Variants in RIOX2 observed in about 807,000 individuals in gnomAD.
RIOX2 encodes 60S ribosomal protein L27a histidine hydroxylase.
In RIOX2, 43 loss-of-function variants were observed where a neutral mutation model predicts 51.2. The ratio of observed to expected loss-of-function variants is 0.84; its 90% CI spans 0.66 to 1.08. The LOEUF (loss-of-function observed/expected upper bound fraction) is 1.08, where lower values mean the gene tolerates loss of function less well. Among genes scored for constraint, RIOX2 ranks in the 50% least tolerant of loss-of-function variants. The pLI is 0.00. For synonymous variants in RIOX2, 226 were observed against 218.5 expected (o/e 1.03, Z -0.30); for missense variants, 566 against 561.7 (o/e 1.01, Z -0.08).
At chr3:97,952,084 C>A in intron 5 of RIOX2, 1 of 931,224 alleles carries the variant, frequency 1.1e-6, no homozygotes, top group Non-Finnish European at 1.5e-6. Context: ...CAACAACATA[C>A]AGCAGACCCC....
intron 7 of RIOX2, 102 bp downstream of exon 7, chr3:97,949,742 G>T: frequency 9.5e-7 from 1 of 1,055,816 alleles, no homozygotes; most frequent in Non-Finnish European, 1.4e-6. Context: ...TAACACGAAA[G>T]CACTTCATAC....
chr3:97,945,652 C>T, intron 9 of RIOX2, 146 bp downstream of exon 9: 1 of 654,220 alleles, frequency 1.5e-6, no homozygotes, highest in Non-Finnish European at 2.6e-6. Context: ...TAATCATCCC[C>T]ATGCAGGAGC....
chr3:97,967,686 G>T, intron 1 of RIOX2, 54 bp from the exon 2 acceptor site: 1 of 1,291,870 alleles, frequency 7.7e-7, no homozygotes, highest in Non-Finnish European at 1.0e-6. Context: ...GCCAGCATTG[G>T]TGTTAGTGGA....
intron 4 of RIOX2, among the ~76,000 whole-genome samples, chr3:97,957,013 T>G (rs1299217433): frequency 6.6e-6 from 1 of 152,188 alleles, no homozygotes; most frequent in Non-Finnish European, 1.5e-5. Context: ...AGGCGTGATC[T>G]CATCCTGGGA....
At position 97,961,592 on chromosome 3, in the gene RIOX2, G is replaced by T. The variant is rs202101403; in HGVS notation, c.549C>A (p.Val183=). 4 of 1,596,972 alleles carry T rather than the reference G, an allele frequency of 2.5e-6. No individual in the cohort carries two copies. Among genetic ancestry groups the T allele is most frequent in the Non-Finnish European group, 2.6e-6 (3 of 1,174,892 alleles). Residue 183 remains valine (V), a synonymous_variant, in exon 3 of 10, where the codon GTC becomes GTA. Transcript: ENST00000394198. ...SQGLPPHYDD[V]EVFILQLEGE... ...GGCAATTTTCTCCATCTCTTACCTC[G>T]ACATCATCATAATGGGGCGGCAGGC...
intron 7 of RIOX2, among the ~76,000 whole-genome samples, chr3:97,947,949 C>T (rs1012057337): frequency 6.6e-6 from 1 of 152,092 alleles, no homozygotes; most frequent in African/African-American, 2.4e-5. Context: ...TAATAAAGTC[C>T]ACAGAAAATT....
In RIOX2 at chr3:97,945,362, T is replaced by G. The variant is rs368461997; in HGVS notation, c.1240-20A>C. The G allele has an allele frequency of 3.1e-6, 5 of 1,602,400 alleles. No homozygotes were observed. Among genetic ancestry groups the G allele is most frequent in the African/African-American group, 2.7e-5 (2 of 74,296 alleles). Reference sequence around the variant, plus strand: ...ATGAAACTGAAAGGATAAATTTATTTGTCAAAATATATGTATACTACTTAT... The same window carrying G: ...ATGAAACTGAAAGGATAAATTTATTGGTCAAAATATATGTATACTACTTAT... On this transcript the variant is annotated intron_variant, in intron 9 of 9. Coordinates refer to ENST00000394198, the MANE Select transcript of RIOX2 (RefSeq NM_153182.4).
At chr3:97,953,412 G>A (rs565368550) in intron 5 of RIOX2, among the ~76,000 whole-genome samples, 3 of 150,866 alleles carry the variant, frequency 2.0e-5, no homozygotes, top group East Asian at 1.9e-4. Flanking sequence ...ACAGGGTCTC[G>A]CTCTGTCGCC....
At chr3:97,946,266 T>TA (rs1256395177) in intron 8 of RIOX2, among the ~76,000 whole-genome samples, 2 of 151,970 alleles carry the variant, frequency 1.3e-5, no homozygotes, top group Non-Finnish European at 1.5e-5. Flanking sequence ...CTTTTTTGAA[T>TA]AAAAAAATCT....
chr3:97,953,820 C>G (rs1272654373), intron 5 of RIOX2, among the ~76,000 whole-genome samples: 1 of 152,218 alleles, frequency 6.6e-6, no homozygotes, highest in Non-Finnish European at 1.5e-5. Flanking sequence ...TCAGCACATG[C>G]ACTTTAGTTC....
intron 2 of RIOX2, among the ~76,000 whole-genome samples, chr3:97,965,703 G>A (rs907641635): frequency 1.3e-5 from 2 of 152,176 alleles, no homozygotes; most frequent in African/African-American, 2.4e-5. Context: ...AAAGCCCTGC[G>A]GGGGATGATT....
intron 1 of RIOX2, among the ~76,000 whole-genome samples, chr3:97,968,366 C>T (rs1293181958): frequency 6.6e-6 from 1 of 152,192 alleles, no homozygotes; most frequent in Non-Finnish European, 1.5e-5. Flanking sequence ...CTTGAAAAAA[C>T]TATAACTTTT....
chr3:97,946,291 T>G (rs567216860), intron 8 of RIOX2, among the ~76,000 whole-genome samples: 3 of 152,156 alleles, frequency 2.0e-5, no homozygotes, highest in Admixed American at 1.3e-4. Flanking sequence ...TTTCTAGGTA[T>G]AAACTGACAA....
At chr3:97,947,475 C>T (rs755525173) in intron 7 of RIOX2, 26 bp from the exon 8 acceptor site, 5 of 1,589,794 alleles carry the variant, frequency 3.1e-6, no homozygotes, top group East Asian at 4.5e-5. Flanking sequence ...GAGAGAAAGC[C>T]GACCTTCAAA....
At chr3:97,952,811 C>A (rs925685613) in intron 5 of RIOX2, among the ~76,000 whole-genome samples, 1 of 152,110 alleles carries the variant, frequency 6.6e-6, no homozygotes, top group Non-Finnish European at 1.5e-5. Flanking sequence ...TGGTGACTTT[C>A]TGTCCCTTAA....
intron 4 of RIOX2, among the ~76,000 whole-genome samples, chr3:97,955,560 T>C (rs1381714887): frequency 6.6e-6 from 1 of 152,098 alleles, no homozygotes; most frequent in Non-Finnish European, 1.5e-5. Flanking sequence ...GAGGAATATA[T>C]CATGATATAT....
At chr3:97,963,025 A>G (rs888445884) in intron 2 of RIOX2, among the ~76,000 whole-genome samples, 1 of 152,252 alleles carries the variant, frequency 6.6e-6, no homozygotes, top group Admixed American at 6.5e-5. Context: ...ACCAATGGCC[A>G]CAGCTTGGGA....
intron 1 of RIOX2, among the ~76,000 whole-genome samples, chr3:97,968,061 TACAAACATTTG>T (rs922231725): frequency 2.6e-5 from 4 of 152,180 alleles, no homozygotes; most frequent in African/African-American, 9.7e-5. Context: ...TACTCTGAGT[TACAAACATTTG>T]ACTAGAGAAA....
At chr3:97,947,500 G>T (rs1426647767) in intron 7 of RIOX2, 51 bp from the exon 8 acceptor site, 1 of 1,434,834 alleles carries the variant, frequency 7.0e-7, no homozygotes, top group Non-Finnish European at 9.8e-7. Flanking sequence ...GAAACAGGCA[G>T]ATTCAAACTT....
Sources: gnomAD v4.1 joint callset for allele counts (sites outside exome capture counted in the v4.1 genomes callset) on GRCh38, gnomAD v4.1.1 for gene constraint, MANE v1.5 for transcripts, NCBI Gene and HGNC (gene_info 2026-07-23, HGNC 2026-07-21) for gene names.